Variants in XXYLT1 observed in about 807,000 individuals in gnomAD.
XXYLT1 encodes the protein UDP-xylose:alpha-xyloside alpha-1,3-xylosyltransferase.
A neutral mutation model predicts 28.9 loss-of-function variants in XXYLT1; 20 were observed. That is an observed-to-expected ratio of 0.69 (90% confidence interval 0.49 to 1.00). The LOEUF is 1.00. XXYLT1 is among the 50% of genes least tolerant of loss of function. XXYLT1 has a pLI of 0.00. For synonymous variants in XXYLT1, 257 were observed against 253.8 expected (o/e 1.01, Z -0.12); for missense variants, 542 against 560.1 (o/e 0.97, Z 0.33).
intron 1 of XXYLT1, among the ~76,000 whole-genome samples, chr3:195,239,984 C>T (rs528290218): frequency 6.6e-6 from 1 of 152,286 alleles, no homozygotes; most frequent in African/African-American, 2.4e-5. Flanking sequence ...CAGGAATATC[C>T]CACCCCAGGA....
At chr3:195,079,425 A>G (rs1055671171) in intron 3 of XXYLT1, among the ~76,000 whole-genome samples, 2 of 152,218 alleles carry the variant, frequency 1.3e-5, no homozygotes, top group African/African-American at 4.8e-5. Context: ...AAATACAGGG[A>G]AAACGGCAGG....
At chr3:195,104,242 T>C (rs1404510838) in intron 3 of XXYLT1, among the ~76,000 whole-genome samples, 1 of 120,720 alleles carries the variant, frequency 8.3e-6, no homozygotes, top group Admixed American at 8.7e-5. Flanking sequence ...TGTGTGTGTG[T>C]GTGTATTTTA....
chr3:195,226,620 T>C, intron 2 of XXYLT1, 89 bp downstream of exon 2: 1 of 1,502,864 alleles, frequency 6.7e-7, no homozygotes, highest in South Asian at 1.3e-5. Flanking sequence ...CTATTCTCCC[T>C]GATACAGGGC....
At chr3:195,191,121 A>C (rs993334912) in intron 2 of XXYLT1, among the ~76,000 whole-genome samples, 1 of 152,208 alleles carries the variant, frequency 6.6e-6, no homozygotes, top group African/African-American at 2.4e-5. Flanking sequence ...ATTTTTAAAA[A>C]GTATACTTAA....
chr3:195,081,609 T>A (rs1012317094), intron 3 of XXYLT1, among the ~76,000 whole-genome samples: 1 of 151,858 alleles, frequency 6.6e-6, no homozygotes, highest in Non-Finnish European at 1.5e-5. Context: ...CCTGGTTCTC[T>A]GCATCTACAC....
chr3:195,249,944 T>C (rs751638767), intron 1 of XXYLT1, among the ~76,000 whole-genome samples: 1 of 151,808 alleles, frequency 6.6e-6, no homozygotes, highest in Non-Finnish European at 1.5e-5. Flanking sequence ...CACCATCCTC[T>C]CTCCCCAGAG....
intron 2 of XXYLT1, among the ~76,000 whole-genome samples, chr3:195,215,940 A>C (rs1433666901): frequency 6.6e-6 from 1 of 152,114 alleles, no homozygotes; most frequent in African/African-American, 2.4e-5. Context: ...CTCCTCAGCA[A>C]ATGTAAAAGA....
intron 3 of XXYLT1, among the ~76,000 whole-genome samples, chr3:195,148,630 C>T (rs1243395733): frequency 1.3e-5 from 2 of 152,174 alleles, no homozygotes; most frequent in East Asian, 3.8e-4. Flanking sequence ...GAATTTATAT[C>T]AGCCATAAAG....
intron 1 of XXYLT1, among the ~76,000 whole-genome samples, chr3:195,251,595 C>T (rs982178540): frequency 3.9e-5 from 6 of 152,182 alleles, no homozygotes; most frequent in African/African-American, 9.6e-5. Context: ...TGAACGCTCT[C>T]GGAAGGTTGG....
chr3:195,123,954 G>A (rs1718492155), intron 3 of XXYLT1, among the ~76,000 whole-genome samples: 2 of 152,202 alleles, frequency 1.3e-5, no homozygotes, highest in African/African-American at 4.8e-5. Context: ...GTGAACAAAG[G>A]GATCTGGGTC....
chr3:195,171,260 C>G (rs566979506), intron 2 of XXYLT1, among the ~76,000 whole-genome samples: 2 of 152,336 alleles, frequency 1.3e-5, no homozygotes, highest in African/African-American at 2.4e-5. Flanking sequence ...TCCTGGCAGC[C>G]CTACCCTTCC....
chr3:195,110,464 G>A (rs1318161623), intron 3 of XXYLT1, among the ~76,000 whole-genome samples: 656 of 16,780 alleles, frequency 0.039, 7 homozygotes, highest in African/African-American at 0.1. Flanking sequence ...TGTGTGGTGT[G>A]TGGGTGAGGT....
At chr3:195,110,362 C>CGTGTGTGTGTAGTGTGTGGGGTGTATGT (rs1577039440) in intron 3 of XXYLT1, among the ~76,000 whole-genome samples, 1 of 3,810 alleles carries the variant, frequency 2.6e-4, no homozygotes, top group African/African-American at 1.1e-3. Flanking sequence ...GGTGTATGTG[C>CGTGTGTGTGTAGTGTGTGGGGTGTATGT]GTGCGTGTGT....
Position 195,270,567 on chromosome 3 carries a change from G to A in XXYLT1, c.492C>T (p.Gly164=), listed in dbSNP as rs754315262. 5.0e-6 allele frequency: 7 copies of A among 1,394,506 alleles called. No individual in the cohort carries two copies. The highest frequency in any genetic ancestry group is 6.5e-6 in the Non-Finnish European group (7 of 1,077,066). 86.4% of individuals were successfully genotyped at this position (1,394,506 alleles called of 1,614,324 possible). A position where few individuals can be genotyped will look rare whatever the true frequency, so the allele number is the denominator to read the frequency against. ...GCGGCCCGCTCACCTTGCACTTGAA[G>A]CCAGCGGCGGGCGGCAGGAGCTCCC... ...LLRELLPPAA[G]FKCKVIFHDV... is the part of the protein sequence containing the mutation. Residue 164 remains glycine, a synonymous_variant, in exon 1 of 4, where the codon GGC becomes GGT. Coordinates refer to ENST00000310380, the MANE Select transcript of XXYLT1 (RefSeq NM_152531.5).
chr3:195,110,996 C>T (rs956956395), intron 3 of XXYLT1, among the ~76,000 whole-genome samples: 7 of 148,942 alleles, frequency 4.7e-5, no homozygotes, highest in Non-Finnish European at 1.0e-4. Flanking sequence ...CGACAAAGTA[C>T]AAACCGGTTT....
chr3:195,233,603 TAAAC>T (rs1252571735), intron 1 of XXYLT1, among the ~76,000 whole-genome samples: 4 of 152,214 alleles, frequency 2.6e-5, no homozygotes, highest in Non-Finnish European at 4.4e-5. Flanking sequence ...ACTGATTACA[TAAAC>T]AAACATACTA....
intron 1 of XXYLT1, among the ~76,000 whole-genome samples, chr3:195,229,237 G>A (rs576819185): frequency 1.9e-4 from 29 of 151,916 alleles, no homozygotes; most frequent in African/African-American, 7.0e-4. Context: ...GAAAAACTTT[G>A]TTACTATTTT....
intron 2 of XXYLT1, among the ~76,000 whole-genome samples, chr3:195,193,552 A>G (rs1295034388): frequency 6.6e-6 from 1 of 152,206 alleles, no homozygotes; most frequent in Non-Finnish European, 1.5e-5. Context: ...CCTAAAATGT[A>G]TATGGAAATG....
chr3:195,196,780 C>A lies in XXYLT1; in HGVS notation c.652+29929G>T, dbSNP rs1722642725. Among the ~76,000 whole-genome samples, 5 of 151,862 alleles carry A rather than the reference C, an allele frequency of 3.3e-5. No homozygotes were observed. The South Asian group carries it at 1.0e-3, about 32-fold the overall frequency. ...AACGGCTTTGTACAAATTAAAATGC[C>A]AAAGTAATAAGGAATATTGGATGAG... On this transcript the variant is annotated intron_variant, in intron 2 of 3. Transcript: ENST00000310380.
Sources: allele counts gnomAD v4.1 joint callset (sites outside exome capture counted in the v4.1 genomes callset), GRCh38; gene constraint gnomAD v4.1.1; transcripts MANE v1.5; gene names NCBI Gene and HGNC (gene_info 2026-07-23, HGNC 2026-07-21).